Variants in USH2A observed in about 807,000 individuals in gnomAD.
The protein encoded by USH2A is usherin.
USH2A carries 443 observed loss-of-function variants against 538.9 expected under a neutral mutation model. That is an observed-to-expected ratio of 0.82 (90% CI 0.76 to 0.89). USH2A has a LOEUF of 0.89. Among genes scored for constraint, USH2A ranks in the 40% least tolerant of loss-of-function variants. The pLI, the probability that USH2A is intolerant of heterozygous loss-of-function variation, is 0.00. For missense variants in USH2A, 6,633 were observed against 6,324.8 expected, an observed-to-expected ratio of 1.05 and a Z score of -1.65; for synonymous variants, 2,413 against 2,273.5, an observed-to-expected ratio of 1.06 and a Z score of -1.75.
intron 32 of USH2A, among the ~76,000 whole-genome samples, chr1:216,011,215 T>C (rs755675524): frequency 6.6e-6 from 1 of 152,066 alleles, no homozygotes; most frequent in Non-Finnish European, 1.5e-5. Context: ...CCTCAATACC[T>C]CCCTCCACAA....
At chr1:215,762,971 C>T (rs1208690884) in intron 56 of USH2A, among the ~76,000 whole-genome samples, 1 of 152,200 alleles carries the variant, frequency 6.6e-6, no homozygotes, top group African/African-American at 2.4e-5. Context: ...ATATTACCCA[C>T]TTCTCATGTC....
intron 53 of USH2A, among the ~76,000 whole-genome samples, 194 bp downstream of exon 53, chr1:215,782,544 A>T (rs1357822918): frequency 6.6e-6 from 1 of 152,100 alleles, no homozygotes; most frequent in Non-Finnish European, 1.5e-5. Context: ...TTTTTTACTT[A>T]TTTAGGCTAA....
chr1:215,669,561 C>T (rs1051577505), intron 64 of USH2A, among the ~76,000 whole-genome samples: 3 of 152,046 alleles, frequency 2.0e-5, no homozygotes, highest in Non-Finnish European at 4.4e-5. Context: ...ATTTTTGTAG[C>T]AAAACATATA....
chr1:216,234,270 G>A (rs969419938), intron 13 of USH2A, among the ~76,000 whole-genome samples: 2 of 151,956 alleles, frequency 1.3e-5, no homozygotes, highest in Admixed American at 6.6e-5. Context: ...AGTTTCAAGG[G>A]CAGCAAAATA....
At chr1:215,727,710 A>G (rs1235697380) in intron 61 of USH2A, among the ~76,000 whole-genome samples, 1 of 149,592 alleles carries the variant, frequency 6.7e-6, no homozygotes, top group Admixed American at 6.6e-5. Context: ...GGGTGACAGA[A>G]TGAGAGCCTG....
chr1:216,334,744 A>T (rs2037936771), intron 4 of USH2A, among the ~76,000 whole-genome samples: 2 of 151,942 alleles, frequency 1.3e-5, no homozygotes, highest in South Asian at 4.1e-4. Flanking sequence ...ATATTTTAAG[A>T]TATCAATCCA....
chr1:216,355,408 T>C lies in USH2A; in HGVS notation c.784+9545A>G, dbSNP rs564636432. ...GAAACATATAGTATACAAGAAAACATTTATATAAATAGTGGCTGATATCTC... is the reference window on the plus strand; with the variant it reads ...GAAACATATAGTATACAAGAAAACACTTATATAAATAGTGGCTGATATCTC... On this transcript the variant is annotated intron_variant, in intron 4 of 71. Coordinates refer to ENST00000307340, the MANE Select transcript of USH2A (RefSeq NM_206933.4). Among the ~76,000 whole-genome samples, 16 of 147,204 alleles carry C rather than the reference T, an allele frequency of 1.1e-4. No homozygotes were observed. In the South Asian group the frequency reaches 3.5e-3, roughly 32 times the overall value.
intron 9 of USH2A, among the ~76,000 whole-genome samples, chr1:216,301,535 A>G (rs1226069831): frequency 6.6e-6 from 1 of 152,136 alleles, no homozygotes; most frequent in Non-Finnish European, 1.5e-5. Flanking sequence ...TGTTGACTGG[A>G]GTCACTCTGG....
At chr1:215,948,464 A>ACG (rs1491066624) in intron 37 of USH2A, among the ~76,000 whole-genome samples, 13 of 150,880 alleles carry the variant, frequency 8.6e-5, no homozygotes, top group Non-Finnish European at 1.3e-4. Context: ...ACACACACAC[A>ACG]CGTATATATG....
intron 40 of USH2A, among the ~76,000 whole-genome samples, chr1:215,889,451 A>G (rs1439025842): frequency 6.6e-6 from 1 of 152,200 alleles, no homozygotes; most frequent in Admixed American, 6.5e-5. Context: ...TATAATCAAT[A>G]ACACTATCAT....
At chr1:216,022,752 G>A (rs748548164) in intron 32 of USH2A, among the ~76,000 whole-genome samples, 3 of 152,144 alleles carry the variant, frequency 2.0e-5, no homozygotes, top group Admixed American at 6.5e-5. Context: ...GACTGGGACA[G>A]CTCTACCTAG....
At position 216,083,674 on chromosome 1, in the gene USH2A, C is replaced by T. The variant is rs540277134; in HGVS notation, c.5168-88G>A. 3.5e-5 allele frequency: 46 copies of T among 1,315,140 alleles called. No homozygotes were observed. The African/African-American group carries it at 5.3e-4, about 15-fold the overall frequency. The allele number at this position is 1,315,140 out of a possible 1,614,324, so 81.5% of individuals were successfully genotyped here. ...GTGCTAAGAAACTCTAGGACACAGT[C>T]TGCCACTGAGTAAATCTCACAAAAG... On this transcript the variant is annotated intron_variant, in intron 25 of 71. Coordinates refer to ENST00000307340, the MANE Select transcript of USH2A (RefSeq NM_206933.4).
intron 32 of USH2A, among the ~76,000 whole-genome samples, chr1:216,018,200 G>A (rs542276010): frequency 1.3e-5 from 2 of 152,218 alleles, no homozygotes; most frequent in African/African-American, 4.8e-5. Flanking sequence ...GGATCATTTG[G>A]GGTCCTCCTG....
intron 2 of USH2A, among the ~76,000 whole-genome samples, chr1:216,420,930 G>T (rs1426114507): frequency 6.6e-6 from 1 of 152,090 alleles, no homozygotes; most frequent in Non-Finnish European, 1.5e-5. Flanking sequence ...ATCCTTTTCT[G>T]GTTTGTTTCA....
intron 4 of USH2A, among the ~76,000 whole-genome samples, chr1:216,340,889 T>C (rs2038064376): frequency 2.0e-5 from 3 of 152,102 alleles, no homozygotes; most frequent in African/African-American, 7.2e-5. Flanking sequence ...GCCAATATTA[T>C]ACTGAATGGG....
At chr1:215,660,948 T>C (rs2102652853) in intron 64 of USH2A, among the ~76,000 whole-genome samples, 1 of 152,340 alleles carries the variant, frequency 6.6e-6, no homozygotes, top group Non-Finnish European at 1.5e-5. Context: ...CACCTGCAGA[T>C]TAGATTGCTT....
At chr1:216,406,460 T>C (rs976087569) in intron 3 of USH2A, among the ~76,000 whole-genome samples, 2 of 152,192 alleles carry the variant, frequency 1.3e-5, no homozygotes, top group African/African-American at 4.8e-5. Flanking sequence ...GTTGCATACA[T>C]GCAACATGGA....
At chr1:216,368,850 C>T (rs1367075207) in intron 3 of USH2A, among the ~76,000 whole-genome samples, 2 of 152,086 alleles carry the variant, frequency 1.3e-5, no homozygotes, top group African/African-American at 4.8e-5. Flanking sequence ...TTTCCCAGAA[C>T]CAACTTAGAA....
chr1:216,088,448 G>T (rs1052821837), intron 23 of USH2A, among the ~76,000 whole-genome samples: 4 of 152,106 alleles, frequency 2.6e-5, no homozygotes, highest in East Asian at 3.8e-4. Flanking sequence ...AATAGGTACT[G>T]ATTAAAATTA....
Sources: gnomAD v4.1 joint callset for allele counts (sites outside exome capture counted in the v4.1 genomes callset) on GRCh38, gnomAD v4.1.1 for gene constraint, MANE v1.5 for transcripts, NCBI Gene and HGNC (gene_info 2026-07-23, HGNC 2026-07-21) for gene names.